Variants in KCNJ10 observed in about 807,000 individuals in gnomAD.
KCNJ10 encodes the protein ATP-sensitive inward rectifier potassium channel 10.
KCNJ10 carries 9 observed loss-of-function variants against 22.2 expected under a neutral mutation model. That is an observed-to-expected ratio of 0.40 (90% CI 0.24 to 0.71). The LOEUF (loss-of-function observed/expected upper bound fraction) is 0.71. Ranked by LOEUF, KCNJ10 falls within the 30% of genes least tolerant of loss-of-function variation. The probability of loss-of-function intolerance (pLI) is 0.35; values close to 1 mark genes in which losing one functional copy is unlikely to be tolerated. For missense variants in KCNJ10, 337 were observed against 482.7 expected (o/e 0.70, Z 2.83); for synonymous variants, 184 against 187.3 (o/e 0.98, Z 0.15).
At chr1:160,066,764 A>C (rs1180413286) in intron 1 of KCNJ10, among the ~76,000 whole-genome samples, 1 of 152,198 alleles carries the variant, frequency 6.6e-6, no homozygotes, top group East Asian at 1.9e-4. Context: ...GACAGTTGTC[A>C]CAATAATCCC....
chr1:160,042,312 G>A lies in KCNJ10; in HGVS notation c.221C>T (p.Thr74Ile), dbSNP rs796052604. ...AAAGAGGAACCATGTGCCTGCAAAG[G>A]TCGCAGAGAAGAGCAGAAGCTTGTA... is the stretch of plus-strand genomic sequence containing the variant. ...WRYKLLLFSA[T>I]FAGTWFLFGV... The change falls in exon 2 of 2, where the codon ACC (threonine) becomes ATC (isoleucine). Residue 74 changes from threonine to isoleucine, a missense_variant. Coordinates refer to ENST00000644903, the MANE Select transcript of KCNJ10 (RefSeq NM_002241.5). The A allele has an allele frequency of 6.2e-7, 1 of 1,613,492 alleles. No individual in the cohort carries two copies. Among genetic ancestry groups the A allele is most frequent in the Non-Finnish European group, 8.5e-7 (1 of 1,179,520 alleles).
At position 160,049,562 on chromosome 1, in the gene KCNJ10, T is replaced by C. The variant is rs12404484; in HGVS notation, c.1-7030A>G. On this transcript the variant is annotated intron_variant, in intron 1 of 1. Transcript: ENST00000644903. ...CCTCTCTTTTCTGAGTTTCCATATATGTATATCTATATCCAACTATACCCG... is the reference window on the plus strand; with the variant it reads ...CCTCTCTTTTCTGAGTTTCCATATACGTATATCTATATCCAACTATACCCG... Among the ~76,000 whole-genome samples the C allele has an allele frequency of 9.3e-5, 14 of 151,288 alleles. No homozygotes were observed. The South Asian group carries it at 2.5e-3, about 27-fold the overall frequency.
intron 1 of KCNJ10, among the ~76,000 whole-genome samples, chr1:160,049,715 A>ATG (rs1648855249): frequency 8.6e-6 from 1 of 116,480 alleles, no homozygotes; most frequent in Admixed American, 9.2e-5. Context: ...ATATATATAT[A>ATG]TATATGTTAT....
At chr1:160,051,307 CAGGG>C (rs1648899213) in intron 1 of KCNJ10, among the ~76,000 whole-genome samples, 1 of 152,068 alleles carries the variant, frequency 6.6e-6, no homozygotes, top group Non-Finnish European at 1.5e-5. Context: ...ATGTTTGGTT[CAGGG>C]ACATGGAAGG....
At chr1:160,067,176 TC>T (rs1373122933) in intron 1 of KCNJ10, among the ~76,000 whole-genome samples, 1 of 152,008 alleles carries the variant, frequency 6.6e-6, no homozygotes, top group East Asian at 1.9e-4. Flanking sequence ...GCCCCTCCCT[TC>T]CCCCACCACC....
chr1:160,047,685 C>G (rs1031341814), intron 1 of KCNJ10, among the ~76,000 whole-genome samples: 6 of 152,204 alleles, frequency 3.9e-5, no homozygotes, highest in African/African-American at 1.4e-4. Context: ...CATCCCTGCC[C>G]AGAATGGGTT....
intron 1 of KCNJ10, among the ~76,000 whole-genome samples, chr1:160,056,359 C>T (rs934263890): frequency 2.0e-5 from 3 of 152,234 alleles, no homozygotes; most frequent in African/African-American, 7.2e-5. Context: ...CTGTTCACAG[C>T]CTCCCCTGGA....
chr1:160,057,327 C>A lies in KCNJ10; in HGVS notation c.-1+12695G>T, dbSNP rs11265311. On this transcript the variant is annotated intron_variant, in intron 1 of 1. Transcript: ENST00000644903. ...CCAAATCCTGTGGGCTTTTCCCTCA[C>A]GTTGCCTCTCCACACCCCAGTGGCC... Among the ~76,000 whole-genome samples the A allele has an allele frequency of 4.3e-3, 659 of 152,308 alleles. 2 individuals are homozygous for A. The highest frequency in any genetic ancestry group is 0.015 in the African/African-American group (623 of 41,556).
At chr1:160,051,246 G>C (rs1177112062) in intron 1 of KCNJ10, among the ~76,000 whole-genome samples, 1 of 152,058 alleles carries the variant, frequency 6.6e-6, no homozygotes, top group Non-Finnish European at 1.5e-5. Context: ...TTCTTTCTTA[G>C]AGCCACTAGA....
intron 1 of KCNJ10, among the ~76,000 whole-genome samples, chr1:160,047,219 G>C (rs1176054354): frequency 6.6e-6 from 1 of 152,162 alleles, no homozygotes; most frequent in Non-Finnish European, 1.5e-5. Context: ...TCTTGAGTAA[G>C]GACACTGTTG....
At chr1:160,045,244 G>A (rs1303841637) in intron 1 of KCNJ10, among the ~76,000 whole-genome samples, 1 of 152,164 alleles carries the variant, frequency 6.6e-6, no homozygotes, top group African/African-American at 2.4e-5. Flanking sequence ...ATTTTCTATT[G>A]ATACACCAGA....
At chr1:160,050,040 A>G (rs1425674461) in intron 1 of KCNJ10, among the ~76,000 whole-genome samples, 1 of 151,928 alleles carries the variant, frequency 6.6e-6, no homozygotes, top group African/African-American at 2.4e-5. Context: ...TATCAACACT[A>G]ATAGGTATGC....
chr1:160,039,574 G>A lies in KCNJ10; in HGVS notation c.*1819C>T, dbSNP rs1328846817. The stretch of plus-strand genomic sequence containing the variant: ...TTCTTGTTTTTATGCCAACTAGAAG[G>A]TAATGGTGGGGTTTACTGTAGATGG... On this transcript the variant is annotated 3_prime_UTR_variant, in exon 2 of 2. Transcript: ENST00000644903. 1 of 152,230 alleles carries A rather than the reference G, an allele frequency of 6.6e-6. No individual in the cohort carries two copies. The highest frequency in any genetic ancestry group is 1.5e-5 in the Non-Finnish European group (1 of 68,038). 9.4% of individuals were successfully genotyped at this position (152,230 alleles called of 1,614,324 possible).
In KCNJ10 at chr1:160,057,858, A is replaced by G. The variant is rs556420962; in HGVS notation, c.-1+12164T>C. 3.3e-5 allele frequency among the ~76,000 whole-genome samples: 5 copies of G among 152,132 alleles called. No homozygotes were observed. The South Asian group carries it at 1.0e-3, about 32-fold the overall frequency. On this transcript the variant is annotated intron_variant, in intron 1 of 1. Transcript: ENST00000644903. ...TCTCTGTACACTTTCCTGTCTTTGAACTTGAAGTGGTGTTGGCTGGAAATG... is the reference window on the plus strand; with the variant it reads ...TCTCTGTACACTTTCCTGTCTTTGAGCTTGAAGTGGTGTTGGCTGGAAATG...
chr1:160,055,969 C>A (rs998128944), intron 1 of KCNJ10, among the ~76,000 whole-genome samples: 4 of 152,174 alleles, frequency 2.6e-5, no homozygotes, highest in South Asian at 2.1e-4. Flanking sequence ...TCAGACTCAG[C>A]GTCCTGTCTC....
At chr1:160,058,656 G>A (rs936545684) in intron 1 of KCNJ10, among the ~76,000 whole-genome samples, 1 of 152,162 alleles carries the variant, frequency 6.6e-6, no homozygotes, top group African/African-American at 2.4e-5. Flanking sequence ...AGGAGAGGAA[G>A]TGGAGGGACC....
chr1:160,062,186 C>T (rs1445426759), intron 1 of KCNJ10, among the ~76,000 whole-genome samples: 1 of 152,024 alleles, frequency 6.6e-6, no homozygotes, highest in Non-Finnish European at 1.5e-5. Flanking sequence ...GTGGGGGAGT[C>T]ACCTCCTGCC....
chr1:160,041,342 A>C lies in KCNJ10; in HGVS notation c.*51T>G, dbSNP rs1453358343. The C allele has an allele frequency of 6.4e-7, 1 of 1,558,766 alleles. No individual in the cohort carries two copies. Among genetic ancestry groups the C allele is most frequent in the South Asian group, 1.1e-5 (1 of 87,858 alleles). ...CCCGGGTAGTATTCCTTACCAGGGC[A>C]TTGGAAGAGAGGAAAAGAGACCAGA... is the stretch of plus-strand genomic sequence containing the variant. On this transcript the variant is annotated 3_prime_UTR_variant, in exon 2 of 2. Coordinates refer to ENST00000644903, the MANE Select transcript of KCNJ10 (RefSeq NM_002241.5). This position sits in a 1 kb window ranked among gnomAD's most constrained non-coding sequence, Gnocchi z 4.4.
chr1:160,045,935 G>C (rs1329325803), intron 1 of KCNJ10, among the ~76,000 whole-genome samples: 1 of 152,232 alleles, frequency 6.6e-6, no homozygotes, highest in East Asian at 1.9e-4. Flanking sequence ...ATATTATAAA[G>C]AGCATTGTAA....
Sources: gnomAD v4.1 joint callset for allele counts (sites outside exome capture counted in the v4.1 genomes callset) on GRCh38, gnomAD v4.1.1 for gene constraint, Gnocchi (gnomAD v3.1) non-coding constraint, MANE v1.5 for transcripts, NCBI Gene and HGNC (gene_info 2026-07-23, HGNC 2026-07-21) for gene names.